SLX9: variants seen among roughly 807,000 people sequenced by gnomAD.
SLX9 encodes ribosome biogenesis protein SLX9 homolog.
A neutral mutation model predicts 20.8 loss-of-function variants in SLX9; 19 were observed. That is an observed-to-expected ratio of 0.91 (90% CI 0.64 to 1.34). The LOEUF is 1.34. Ranked by LOEUF, SLX9 falls within the 40% of genes most tolerant of loss-of-function variation. The pLI is 0.00. For missense variants in SLX9, 299 were observed against 322.2 expected (o/e 0.93, Z 0.55); for synonymous variants, 113 against 137.1 (o/e 0.82, Z 1.23).
At chr21:44,967,277 T>A in intron 4 of SLX9, 96 bp downstream of exon 4, 1 of 1,458,474 alleles carries the variant, frequency 6.9e-7, no homozygotes, top group Non-Finnish European at 9.1e-7. Context: ...CCACGGTGCT[T>A]CCTGAGCCTG....
intron 2 of SLX9, among the ~76,000 whole-genome samples, chr21:44,955,313 G>A (rs1345345710): frequency 7.2e-5 from 11 of 151,982 alleles, no homozygotes; most frequent in Non-Finnish European, 5.9e-5. Flanking sequence ...TCTCCCCGCT[G>A]CCGCGGTGCT....
chr21:44,945,539 C>T (rs960475185), intron 2 of SLX9, among the ~76,000 whole-genome samples: 1 of 152,230 alleles, frequency 6.6e-6, no homozygotes, highest in African/African-American at 2.4e-5. Flanking sequence ...CACGTCCCCT[C>T]TTCCCCTCCT....
At chr21:44,948,296 A>G (rs2084684710) in intron 2 of SLX9, among the ~76,000 whole-genome samples, 2 of 130,696 alleles carry the variant, frequency 1.5e-5, no homozygotes, top group African/African-American at 6.0e-5. Flanking sequence ...GTCGTGGAGC[A>G]TCGGGCGGTC....
Position 44,960,186 on chromosome 21 carries a change from T to A in SLX9, c.352+18T>A. 3 of 1,613,224 alleles carry A rather than the reference T, an allele frequency of 1.9e-6. No individual in the cohort carries two copies. Among genetic ancestry groups the A allele is most frequent in the Non-Finnish European group, 2.5e-6 (3 of 1,179,174 alleles). On this transcript the variant is annotated intron_variant, in intron 3 of 5. Coordinates refer to ENST00000291634, the MANE Select transcript of SLX9 (RefSeq NM_058190.4). ...GTTGCAGAGTAAGTCCATGCCTGCG[T>A]CTTGAGGCAGCTGCCGGCCCAAGTC...
intron 3 of SLX9, among the ~76,000 whole-genome samples, chr21:44,966,619 C>G (rs1038949176): frequency 2.6e-4 from 39 of 152,226 alleles, no homozygotes; most frequent in Admixed American, 2.3e-3. Context: ...CTCTGGGGAG[C>G]CCTCTCCCTC....
intron 1 of SLX9, among the ~76,000 whole-genome samples, chr21:44,941,063 CT>C (rs1256110331): frequency 6.6e-6 from 1 of 151,926 alleles, no homozygotes; most frequent in Non-Finnish European, 1.5e-5. Context: ...AATTTATTTA[CT>C]TTCTTTCTCT....
intron 2 of SLX9, chr21:44,959,174 C>G: frequency 1.0e-6 from 1 of 980,624 alleles, no homozygotes; most frequent in Non-Finnish European, 1.2e-6. Context: ...CAGAGCGCAG[C>G]GACTGCCTTT....
intron 2 of SLX9, chr21:44,959,305 G>T: frequency 1.0e-6 from 1 of 973,792 alleles, no homozygotes; most frequent in Non-Finnish European, 1.2e-6. Context: ...GGAGAATGCA[G>T]CCGAGGCTGA....
At chr21:44,963,175 A>G (rs1168206191) in intron 3 of SLX9, among the ~76,000 whole-genome samples, 2 of 149,290 alleles carry the variant, frequency 1.3e-5, no homozygotes, top group African/African-American at 2.5e-5. Context: ...TGCAAGCAAC[A>G]CCTCCTGGGT....
At chr21:44,953,721 C>T (rs1328612092) in intron 2 of SLX9, among the ~76,000 whole-genome samples, 1 of 152,200 alleles carries the variant, frequency 6.6e-6, no homozygotes, top group Non-Finnish European at 1.5e-5. Context: ...GCCCCGCAGC[C>T]TGGGTTCCTC....
intron 4 of SLX9, among the ~76,000 whole-genome samples, chr21:44,967,839 G>A (rs55705724): frequency 0.078 from 11,916 of 152,230 alleles, 1,557 homozygotes; most frequent in African/African-American, 0.27. Flanking sequence ...GAGGGACGGG[G>A]CCTGATGTGA....
In SLX9 at chr21:44,960,040, T is replaced by G. The variant is rs1414225992; in HGVS notation, c.284-60T>G. 9 of 1,470,988 alleles carry G rather than the reference T, an allele frequency of 6.1e-6. No homozygotes were observed. The African/African-American group carries it at 1.3e-4, about 20-fold the overall frequency. 91.1% of individuals were successfully genotyped at this position (1,470,988 alleles called of 1,614,324 possible). On this transcript the variant is annotated intron_variant, in intron 2 of 5. Coordinates refer to ENST00000291634, the MANE Select transcript of SLX9 (RefSeq NM_058190.4). Reference sequence around the variant, plus strand: ...AGTCAGGACCCGCCCCAGCCCATTCTCAGGTCATGGGAGTGCCACCTGGAC... The same window carrying G: ...AGTCAGGACCCGCCCCAGCCCATTCGCAGGTCATGGGAGTGCCACCTGGAC...
chr21:44,956,679 G>C (rs2084863282), intron 2 of SLX9, among the ~76,000 whole-genome samples: 1 of 152,236 alleles, frequency 6.6e-6, no homozygotes, highest in Non-Finnish European at 1.5e-5. Flanking sequence ...TTGATGGCGT[G>C]CACGGAAAAG....
At chr21:44,965,816 C>T (rs1033825522) in intron 3 of SLX9, among the ~76,000 whole-genome samples, 2 of 152,210 alleles carry the variant, frequency 1.3e-5, no homozygotes, top group African/African-American at 4.8e-5. Context: ...CCTGGGTCTG[C>T]AGCCTGTGAA....
Position 44,969,485 on chromosome 21 carries a change from TC to T in SLX9, c.500+2305del, listed in dbSNP as rs554948034. Among the ~76,000 whole-genome samples, 8 of 152,312 alleles carry T rather than the reference TC, an allele frequency of 5.3e-5. No homozygotes were observed. In the South Asian group the frequency reaches 1.7e-3, roughly 32 times the overall value. On this transcript the variant is annotated intron_variant, in intron 4 of 5. Transcript: ENST00000291634. Reference sequence around the variant, plus strand: ...CTCTGGGCCGGGAAGGCACATCTGCTCTCAGCCCTGAGAGCCTCCTGTCGCT... The same window carrying T: ...CTCTGGGCCGGGAAGGCACATCTGCTTCAGCCCTGAGAGCCTCCTGTCGCT...
chr21:44,967,305 G>T, intron 4 of SLX9, 124 bp downstream of exon 4: 1 of 1,329,180 alleles, frequency 7.5e-7, no homozygotes. Context: ...CGAGAGCTGG[G>T]GCTCCAGCCG....
rs529082045 is a variant in SLX9 at position 44,967,758 on chromosome 21, G to A, written c.500+577G>A. 3.9e-5 allele frequency among the ~76,000 whole-genome samples: 6 copies of A among 152,302 alleles called. No homozygotes were observed. In the South Asian group the frequency reaches 1.2e-3, roughly 32 times the overall value. On this transcript the variant is annotated intron_variant, in intron 4 of 5. Transcript: ENST00000291634. ...TGGTGAGCGTGTGGGACCCACTCAT[G>A]CAGGGCCCTGGGACACACATCCCAG... is the stretch of plus-strand genomic sequence containing the variant.
Position 44,957,342 on chromosome 21 carries a change from C to G in SLX9, c.284-2758C>G, listed in dbSNP as rs4818996. ...ACTGGGCCAGAGGGGCTGTCCCACACGGTCAGTCCCCACACGCTGCTCGTG... is the reference window on the plus strand; with the variant it reads ...ACTGGGCCAGAGGGGCTGTCCCACAGGGTCAGTCCCCACACGCTGCTCGTG... On this transcript the variant is annotated intron_variant, in intron 2 of 5. Transcript: ENST00000291634. 9.0e-3 allele frequency among the ~76,000 whole-genome samples: 1,364 copies of G among 152,298 alleles called. 10 individuals carry two copies. The highest frequency in any genetic ancestry group is 0.013 in the Non-Finnish European group (861 of 68,016).
intron 5 of SLX9, among the ~76,000 whole-genome samples, chr21:44,974,471 A>ATG: frequency 6.6e-6 from 1 of 152,276 alleles, no homozygotes; most frequent in African/African-American, 2.4e-5. Context: ...CTTCCATCTC[A>ATG]TGTTCTCTAA....
Sources: allele counts gnomAD v4.1 joint callset (sites outside exome capture counted in the v4.1 genomes callset), GRCh38; gene constraint gnomAD v4.1.1; transcripts MANE v1.5; gene names NCBI Gene and HGNC (gene_info 2026-07-23, HGNC 2026-07-21).